Variants in DEK observed in about 807,000 individuals in gnomAD.
The protein encoded by DEK is protein DEK.
A neutral mutation model predicts 46.8 loss-of-function variants in DEK; 28 were observed. That is an observed-to-expected ratio of 0.60 (90% confidence interval 0.44 to 0.82). The LOEUF (loss-of-function observed/expected upper bound fraction) is 0.82, where lower values mean the gene tolerates loss of function less well. DEK is among the 40% of genes least tolerant of loss of function. The pLI is 0.00. For missense variants in DEK, 416 were observed against 430.6 expected (o/e 0.97, Z 0.30); for synonymous variants, 160 against 144.5 (o/e 1.11, Z -0.77).
chr6:18,262,294 C>CAAA (rs528582239), intron 2 of DEK, among the ~76,000 whole-genome samples: 4 of 108,522 alleles, frequency 3.7e-5, no homozygotes, highest in African/African-American at 1.3e-4. Flanking sequence ...TATAGTAACG[C>CAAA]AAAAAAAAAA....
chr6:18,243,525 C>T (rs953900581), intron 7 of DEK, among the ~76,000 whole-genome samples: 1 of 152,192 alleles, frequency 6.6e-6, no homozygotes, highest in Non-Finnish European at 1.5e-5. Flanking sequence ...ACAACTCTAA[C>T]CACGAGTTAG....
chr6:18,236,458 G>A lies in DEK; in HGVS notation c.1041C>T (p.Cys347=), dbSNP rs1185709054. The A allele has an allele frequency of 6.2e-7, 1 of 1,609,204 alleles. No individual in the cohort carries two copies. The highest frequency in any genetic ancestry group is 8.5e-7 in the Non-Finnish European group (1 of 1,178,478). The change falls in exon 9 of 11, where the codon TGC becomes TGT. Residue 347 remains cysteine (C), a synonymous_variant. Transcript: ENST00000652689. ...NLEEVTMKQI[C]KKVYENYPTY... ...TAAACATTTGTCTAATTACCTTTTT[G>A]CAAATCTGTTTCATTGTGACTTCTT...
Position 18,225,700 on chromosome 6 carries a change from ATCT to A in DEK, c.*16_*18del, listed in dbSNP as rs532282018. 6.3e-5 allele frequency: 102 copies of A among 1,612,394 alleles called. No individual in the cohort carries two copies. In the African/African-American group the frequency reaches 1.2e-3, roughly 19 times the overall value. ...ATCTTCAAATCTATGGGAACGAGTC[ATCT>A]TCTCTGTCCTCTATCTCAAGAAATT... On this transcript the variant is annotated 3_prime_UTR_variant, in exon 11 of 11. Coordinates refer to ENST00000652689, the MANE Select transcript of DEK (RefSeq NM_003472.4).
At chr6:18,237,822 T>G (rs914009247) in intron 7 of DEK, among the ~76,000 whole-genome samples, 4 of 151,662 alleles carry the variant, frequency 2.6e-5, no homozygotes, top group African/African-American at 9.7e-5. Flanking sequence ...GATAATATTA[T>G]CTTCTCTTAT....
At chr6:18,257,452 C>T (rs898197616) in intron 4 of DEK, among the ~76,000 whole-genome samples, 5 of 152,180 alleles carry the variant, frequency 3.3e-5, no homozygotes, top group African/African-American at 1.2e-4. Flanking sequence ...TGGCTCACAC[C>T]TGTAATCCCA....
At chr6:18,234,582 C>T (rs2151080036) in intron 9 of DEK, among the ~76,000 whole-genome samples, 1 of 152,256 alleles carries the variant, frequency 6.6e-6, no homozygotes, top group Admixed American at 6.5e-5. Flanking sequence ...AGTTTCATCT[C>T]CTTATTCAAG....
chr6:18,241,674 T>C (rs944901582), intron 7 of DEK, among the ~76,000 whole-genome samples: 1 of 152,232 alleles, frequency 6.6e-6, no homozygotes, highest in African/African-American at 2.4e-5. Context: ...ACTAGATTTG[T>C]CACCAAGACT....
chr6:18,234,580 C>G (rs1022745597), intron 9 of DEK, among the ~76,000 whole-genome samples: 2 of 152,162 alleles, frequency 1.3e-5, no homozygotes, highest in African/African-American at 4.8e-5. Flanking sequence ...GCAGTTTCAT[C>G]TCCTTATTCA....
rs1236647694 is a variant in DEK, at chr6:18,226,248, T to C, written c.1048-6A>G. ...GTAGGATAATTTTCATAGACCTATG[T>C]ATAGTGAAAAGGAAAAATAATGTTA... On this transcript the variant is annotated splice_polypyrimidine_tract_variant and splice_region_variant and intron_variant, in intron 9 of 10. Transcript: ENST00000652689. 3 of 1,344,520 alleles carry C rather than the reference T, an allele frequency of 2.2e-6. No homozygotes were observed. Among genetic ancestry groups the C allele is most frequent in the Admixed American group, 3.5e-5 (1 of 28,468 alleles). The allele number at this position is 1,344,520 out of a possible 1,614,324, so 83.3% of individuals were successfully genotyped here.
chr6:18,234,300 A>G (rs1790553960), intron 9 of DEK, among the ~76,000 whole-genome samples: 1 of 148,854 alleles, frequency 6.7e-6, no homozygotes, highest in Admixed American at 6.7e-5. Context: ...ATATATATAT[A>G]TGTAACCTGC....
At chr6:18,235,144 T>TA (rs1381747120) in intron 9 of DEK, among the ~76,000 whole-genome samples, 1 of 152,208 alleles carries the variant, frequency 6.6e-6, no homozygotes, top group African/African-American at 2.4e-5. Flanking sequence ...GCATTGTTCT[T>TA]AATGTTTCTA....
chr6:18,259,468 A>G (rs907161407), intron 2 of DEK, among the ~76,000 whole-genome samples: 12 of 150,876 alleles, frequency 8.0e-5, no homozygotes, highest in Non-Finnish European at 1.6e-4. Context: ...TCAAAATTCA[A>G]AACATTAAGC....
chr6:18,261,272 G>C (rs571652998), intron 2 of DEK, among the ~76,000 whole-genome samples: 2 of 152,236 alleles, frequency 1.3e-5, no homozygotes, highest in South Asian at 2.1e-4. Flanking sequence ...AGACTGCCCT[G>C]CTAGGATTCA....
At chr6:18,234,021 G>A (rs1790533770) in intron 9 of DEK, among the ~76,000 whole-genome samples, 1 of 152,124 alleles carries the variant, frequency 6.6e-6, no homozygotes, top group Non-Finnish European at 1.5e-5. Flanking sequence ...AAAAGGATGA[G>A]TTCATGTCCT....
Position 18,225,354 on chromosome 6 carries a change from AAT to A in DEK, c.*363_*364del, listed in dbSNP as rs550048039. 50 of 257,242 alleles carry A rather than the reference AAT, an allele frequency of 1.9e-4. No homozygotes were observed. The highest frequency in any genetic ancestry group is 9.5e-4 in the African/African-American group (44 of 46,116). The allele number at this position is 257,242 out of a possible 1,614,324, so 15.9% of individuals were successfully genotyped here. Reference sequence around the variant, plus strand: ...CTCTGTATGTATAAATCCTGGTGATAATAGTTTTTGTTCTACTTGATTAAAAG... The same window carrying A: ...CTCTGTATGTATAAATCCTGGTGATAAGTTTTTGTTCTACTTGATTAAAAG... On this transcript the variant is annotated 3_prime_UTR_variant, in exon 11 of 11. Coordinates refer to ENST00000652689, the MANE Select transcript of DEK (RefSeq NM_003472.4).
intron 7 of DEK, among the ~76,000 whole-genome samples, chr6:18,246,140 T>C (rs1791107639): frequency 6.6e-6 from 1 of 152,216 alleles, no homozygotes; most frequent in South Asian, 2.1e-4. Context: ...TTAGCAATCC[T>C]GCCCTGAAGA....
At chr6:18,249,322 C>T (rs569827886) in intron 7 of DEK, among the ~76,000 whole-genome samples, 17 of 152,266 alleles carry the variant, frequency 1.1e-4, no homozygotes, top group African/African-American at 3.8e-4. Flanking sequence ...AAAAAATCCT[C>T]GAAGAATCTG....
chr6:18,237,646 A>G, intron 7 of DEK, 130 bp from the exon 8 acceptor site: 1 of 1,275,066 alleles, frequency 7.8e-7, no homozygotes, highest in South Asian at 1.6e-5. Flanking sequence ...GCAATTAAAA[A>G]TTCTTTTTGA....
chr6:18,230,806 T>C (rs540956458), intron 9 of DEK, among the ~76,000 whole-genome samples: 2 of 152,268 alleles, frequency 1.3e-5, no homozygotes, highest in South Asian at 2.1e-4. Context: ...ACTGCAACAT[T>C]AGTCAGATCA....
Sources: gnomAD v4.1 joint callset for allele counts (sites outside exome capture counted in the v4.1 genomes callset) on GRCh38, gnomAD v4.1.1 for gene constraint, MANE v1.5 for transcripts, NCBI Gene and HGNC (gene_info 2026-07-23, HGNC 2026-07-21) for gene names.